Variants in PPP6R1 observed in about 807,000 individuals in gnomAD.
The protein encoded by PPP6R1 is serine/threonine-protein phosphatase 6 regulatory subunit 1.
PPP6R1 carries 39 observed loss-of-function variants against 104.6 expected under a neutral mutation model. That is an observed-to-expected ratio of 0.37 (90% confidence interval 0.29 to 0.49). The LOEUF is 0.49. Ranked by LOEUF, PPP6R1 falls within the 20% of genes least tolerant of loss-of-function variation. The probability of loss-of-function intolerance (pLI) is 0.98; values close to 1 mark genes in which losing one functional copy is unlikely to be tolerated. For synonymous variants in PPP6R1, 549 were observed against 479.0 expected (o/e 1.15, Z -1.91); for missense variants, 1,181 against 1,155.8 (o/e 1.02, Z -0.32).
chr19:55,242,636 G>C, intron 5 of PPP6R1, 148 bp from the exon 6 acceptor site: 1 of 681,678 alleles, frequency 1.5e-6, no homozygotes, highest in Non-Finnish European at 2.6e-6. Context: ...GGAGGGCACA[G>C]AGGCACCAAC....
In PPP6R1 at chr19:55,240,936, C is replaced by T. The variant is rs749186120; in HGVS notation, c.1296+9G>A. 6 of 1,603,632 alleles carry T rather than the reference C, an allele frequency of 3.7e-6. 1 individual carries two copies. Among genetic ancestry groups the T allele is most frequent in the African/African-American group, 2.7e-5 (2 of 74,760 alleles). On this transcript the variant is annotated intron_variant, in intron 10 of 23. Coordinates refer to ENST00000412770, the MANE Select transcript of PPP6R1 (RefSeq NM_014931.4). ...CCAGAAGGAGGGGGACCAGGGAGTC[C>T]CAGCTCACATGTTTCACAACAGGGT...
At chr19:55,236,557 C>A (rs2087400052) in intron 17 of PPP6R1, 86 bp downstream of exon 17, 2 of 1,375,194 alleles carry the variant, frequency 1.5e-6, no homozygotes, top group Non-Finnish European at 9.6e-7. Context: ...TCATTCACTT[C>A]AGCCTCAGTC....
rs1282564767 is a variant in PPP6R1 at position 55,239,431 on chromosome 19, C to T, written c.1725G>A (p.Glu575=). The T allele has an allele frequency of 1.9e-6, 3 of 1,613,964 alleles. No homozygotes were observed. In the South Asian group the frequency reaches 3.3e-5, roughly 18 times the overall value. Residue 575 remains glutamate (E), a synonymous_variant, in exon 15 of 24, where the codon GAG becomes GAA. Coordinates refer to ENST00000412770, the MANE Select transcript of PPP6R1 (RefSeq NM_014931.4). ...FIDHFGFNDE[E]FGEQEESVNA... ...TCACACTCTCCTCCTGCTCCCCAAA[C>T]TCCTCATCATTGAAGCCGAAGTGGT...
At chr19:55,230,733 G>GCCCCCCCCC in intron 22 of PPP6R1, 41 bp downstream of exon 22, 21 of 1,390,436 alleles carry the variant, frequency 1.5e-5, no homozygotes, top group Non-Finnish European at 1.9e-5. Flanking sequence ...TGCCCCACCA[G>GCCCCCCCCC]CCCCACCCCC....
chr19:55,228,238 G>A (rs773501733), downstream of PPP6R1: 18 of 1,612,164 alleles, frequency 1.1e-5, no homozygotes, highest in East Asian at 4.5e-5. Context: ...CCCCACAGCC[G>A]AGCACACAAG....
At chr19:55,257,696 T>C (rs1475529049) in intron 1 of PPP6R1, among the ~76,000 whole-genome samples, 1 of 152,070 alleles carries the variant, frequency 6.6e-6, no homozygotes, top group Non-Finnish European at 1.5e-5. Context: ...CCCCTGCAGC[T>C]CCCTAAGTCA....
At chr19:55,239,188 A>G (rs2122591223) in intron 15 of PPP6R1, 1 of 578,572 alleles carries the variant, frequency 1.7e-6, no homozygotes, top group Non-Finnish European at 3.1e-6. Context: ...CCTCTCGGAG[A>G]GAAGAGACTG....
chr19:55,241,688 G>A lies in PPP6R1; in HGVS notation c.846-49C>T, dbSNP rs780235538. 3 of 1,499,238 alleles carry A rather than the reference G, an allele frequency of 2.0e-6. No homozygotes were observed. The highest frequency in any genetic ancestry group is 1.3e-5 in the South Asian group (1 of 76,088). 92.9% of individuals were successfully genotyped at this position (1,499,238 alleles called of 1,614,324 possible). ...CGGAGTGAGCCTAGATGGCCTGTGC[G>A]CCCACACAGGAGTAGGCACAAGGAC... On this transcript the variant is annotated intron_variant, in intron 7 of 23. Transcript: ENST00000412770. This position sits in a 1 kb window ranked among gnomAD's most constrained non-coding sequence, Gnocchi z 5.4.
chr19:55,249,402 C>T (rs913969873), intron 1 of PPP6R1, among the ~76,000 whole-genome samples: 3 of 152,300 alleles, frequency 2.0e-5, no homozygotes, highest in East Asian at 1.9e-4. Context: ...CCACCACACC[C>T]GGCTAATTTT....
At chr19:55,228,409 G>A, downstream of PPP6R1, 1 of 1,613,230 alleles carries the variant, frequency 6.2e-7, no homozygotes, top group Non-Finnish European at 8.5e-7. Flanking sequence ...GAGGATGAAG[G>A]GGCTCAGCCA....
rs750710300 is a variant in PPP6R1 at position 55,245,082 on chromosome 19, CTCTAAGGGGAA to C, written c.618+27_618+37del. On this transcript the variant is annotated intron_variant, in intron 5 of 23. Coordinates refer to ENST00000412770, the MANE Select transcript of PPP6R1 (RefSeq NM_014931.4). This position sits in a 1 kb window ranked among gnomAD's most constrained non-coding sequence, Gnocchi z 6.4. ...TGGGGAAGTGGGCATGGGGAAGGAA[CTCTAAGGGGAA>C]TCCGCAGGGGCATCGGCAGCACTCA... The C allele has an allele frequency of 2.5e-5, 41 of 1,607,918 alleles. No homozygotes were observed. In the Admixed American group the frequency reaches 5.9e-4, roughly 23 times the overall value.
intron 1 of PPP6R1, among the ~76,000 whole-genome samples, chr19:55,256,434 C>T (rs1006342135): frequency 6.6e-6 from 1 of 152,266 alleles, no homozygotes; most frequent in African/African-American, 2.4e-5. Context: ...AAAAACATCT[C>T]CAGATATCGC....
At chr19:55,256,808 C>T (rs1210265160) in intron 1 of PPP6R1, among the ~76,000 whole-genome samples, 1 of 152,194 alleles carries the variant, frequency 6.6e-6, no homozygotes, top group Non-Finnish European at 1.5e-5. Flanking sequence ...ACGAGCAAAA[C>T]CCAGTCTCAA....
At chr19:55,232,504 T>C in intron 17 of PPP6R1, 1 of 412,184 alleles carries the variant, frequency 2.4e-6, no homozygotes, top group Non-Finnish European at 4.4e-6. Context: ...GCCTCAGCCA[T>C]GGCAACCAGA....
In PPP6R1 at chr19:55,239,650, C is replaced by A; in HGVS notation, c.1597G>T (p.Asp533Tyr). 1 of 1,612,162 alleles carries A rather than the reference C, an allele frequency of 6.2e-7. No homozygotes were observed. Among genetic ancestry groups the A allele is most frequent in the East Asian group, 2.2e-5 (1 of 44,844 alleles). The stretch of plus-strand genomic sequence containing the variant: ...AACTCCTTGAGCCGGTCGTCCTCAT[C>A]GTCACTGGAGGAGTGTAGGTGGTGG... ...NTHHLHSSSD[D>Y]EDDRLKEFNF... Residue 533 changes from aspartate to tyrosine, a missense_variant, in exon 14 of 24, where the codon GAT (aspartate) becomes TAT (tyrosine). By Grantham distance (160) the Asp-to-Tyr change is radical. Transcript: ENST00000412770.
chr19:55,240,827 C>G, intron 10 of PPP6R1, 118 bp downstream of exon 10: 1 of 1,392,656 alleles, frequency 7.2e-7, no homozygotes, highest in Non-Finnish European at 9.7e-7. Flanking sequence ...TGGGCGCTGG[C>G]ACCTAACACT....
intron 5 of PPP6R1, chr19:55,242,741 T>C (rs1378815933): frequency 4.1e-6 from 2 of 489,704 alleles, no homozygotes; most frequent in Non-Finnish European, 7.5e-6. Context: ...CATACAGGGC[T>C]GGCAGCACCG....
chr19:55,251,723 C>T (rs936822893), intron 1 of PPP6R1, among the ~76,000 whole-genome samples: 1 of 152,130 alleles, frequency 6.6e-6, no homozygotes, highest in Admixed American at 6.5e-5. Context: ...TGCGACAGGC[C>T]GACCACCAAG....
At chr19:55,255,127 T>C (rs1384961463) in intron 1 of PPP6R1, among the ~76,000 whole-genome samples, 1 of 151,688 alleles carries the variant, frequency 6.6e-6, no homozygotes, top group East Asian at 1.9e-4. Context: ...CCTCAGTGCC[T>C]CCCCCTCTGG....
Sources: gnomAD v4.1 joint callset for allele counts (sites outside exome capture counted in the v4.1 genomes callset) on GRCh38, gnomAD v4.1.1 for gene constraint, Gnocchi (gnomAD v3.1) non-coding constraint, MANE v1.5 for transcripts, NCBI Gene and HGNC (gene_info 2026-07-23, HGNC 2026-07-21) for gene names.